Variants in SFRP1 observed in about 807,000 individuals in gnomAD.
The protein encoded by SFRP1 is secreted frizzled related protein 1.
Under a neutral mutation model 25.9 loss-of-function variants are expected in SFRP1, and 9 were observed. The observed-to-expected ratio is 0.35, with a 90% confidence interval of 0.21 to 0.61. The LOEUF is 0.61. Among genes scored for constraint, SFRP1 ranks in the 20% least tolerant of loss-of-function variants. The pLI, the probability that SFRP1 is intolerant of heterozygous loss-of-function variation, is 0.78. For missense variants in SFRP1, 346 were observed against 418.2 expected (o/e 0.83, Z 1.51); for synonymous variants, 178 against 174.0 (o/e 1.02, Z -0.18).
At chr8:41,297,918 T>C (rs1195819147) in intron 2 of SFRP1, among the ~76,000 whole-genome samples, 1 of 152,144 alleles carries the variant, frequency 6.6e-6, no homozygotes, top group African/African-American at 2.4e-5. Context: ...CTCAACTACC[T>C]TCCTGCTTGA....
chr8:41,291,769 T>C (rs1282955398), intron 2 of SFRP1, among the ~76,000 whole-genome samples: 1 of 152,104 alleles, frequency 6.6e-6, no homozygotes, highest in Non-Finnish European at 1.5e-5. Flanking sequence ...TCTCTGACAC[T>C]AACATGAAAT....
rs1466021742 is a variant in SFRP1, at chr8:41,284,241, T to C, written c.623-18752A>G. Among the ~76,000 whole-genome samples the C allele has an allele frequency of 4.6e-5, 7 of 152,104 alleles. No individual in the cohort carries two copies. In the East Asian group the frequency reaches 1.4e-3, roughly 30 times the overall value. On this transcript the variant is annotated intron_variant, in intron 2 of 2. Coordinates refer to ENST00000220772, the MANE Select transcript of SFRP1 (RefSeq NM_003012.5). ...AACGGCAGCTCCAGGTGCAGCACAG[T>C]GGCTATTATGGAAACCGGCCACACT...
At chr8:41,286,368 C>T (rs1322594328) in intron 2 of SFRP1, among the ~76,000 whole-genome samples, 1 of 152,216 alleles carries the variant, frequency 6.6e-6, no homozygotes, top group East Asian at 1.9e-4. Context: ...CACCGCCTCC[C>T]CCGCCGCACA....
In SFRP1 at chr8:41,287,412, G is replaced by A. The variant is rs1272471577; in HGVS notation, c.622+16049C>T. On this transcript the variant is annotated intron_variant, in intron 2 of 2. Coordinates refer to ENST00000220772, the MANE Select transcript of SFRP1 (RefSeq NM_003012.5). ...AGCGCTCATTCTAAATGCTGGCATC[G>A]GCTCGGAGGAACGTCATGGAGAGTG... Among the ~76,000 whole-genome samples, 4 of 152,222 alleles carry A rather than the reference G, an allele frequency of 2.6e-5. No homozygotes were observed. The East Asian group carries it at 5.8e-4, about 22-fold the overall frequency.
intron 2 of SFRP1, among the ~76,000 whole-genome samples, chr8:41,273,400 G>C (rs71521506): frequency 6.6e-6 from 1 of 152,094 alleles, no homozygotes; most frequent in Non-Finnish European, 1.5e-5. Flanking sequence ...GCTGAGGCAG[G>C]AGAATTGCTT....
chr8:41,286,607 T>G (rs905774936), intron 2 of SFRP1, among the ~76,000 whole-genome samples: 50 of 152,188 alleles, frequency 3.3e-4, no homozygotes, highest in Non-Finnish European at 6.9e-4. Context: ...ACTAGAATGC[T>G]CCAGGCCATC....
intron 2 of SFRP1, among the ~76,000 whole-genome samples, chr8:41,291,784 T>C (rs1200363863): frequency 2.0e-5 from 3 of 151,854 alleles, no homozygotes; most frequent in African/African-American, 7.3e-5. Context: ...TGAAATTAGG[T>C]TAATCCAGGT....
intron 2 of SFRP1, among the ~76,000 whole-genome samples, chr8:41,281,681 T>C (rs1204294807): frequency 2.0e-5 from 3 of 152,212 alleles, no homozygotes; most frequent in Non-Finnish European, 4.4e-5. Context: ...ATCCCTCATA[T>C]ACTGCACACA....
intron 1 of SFRP1, among the ~76,000 whole-genome samples, chr8:41,304,416 T>A (rs1372792356): frequency 6.6e-6 from 1 of 150,750 alleles, no homozygotes; most frequent in Admixed American, 6.6e-5. Flanking sequence ...CTTATCATCA[T>A]TGTCATCACC....
At chr8:41,269,559 GA>G (rs1343421949) in intron 2 of SFRP1, among the ~76,000 whole-genome samples, 1 of 152,170 alleles carries the variant, frequency 6.6e-6, no homozygotes, top group African/African-American at 2.4e-5. Context: ...TTGGGAAGCT[GA>G]AATGAGAATG....
intron 2 of SFRP1, among the ~76,000 whole-genome samples, chr8:41,266,064 G>T (rs189732685): frequency 1.3e-5 from 2 of 151,984 alleles, no homozygotes; most frequent in African/African-American, 4.8e-5. Flanking sequence ...TACTAAGGAG[G>T]CTGAGGCAGG....
intron 2 of SFRP1, among the ~76,000 whole-genome samples, chr8:41,268,352 T>G (rs1803461371): frequency 1.3e-5 from 2 of 152,234 alleles, no homozygotes; most frequent in Admixed American, 1.3e-4. Context: ...AAAACCACTC[T>G]TTCCTGCCAT....
At position 41,301,914 on chromosome 8, in the gene SFRP1, GTT is replaced by G. The variant is rs1803922064; in HGVS notation, c.622+1545_622+1546del. Among the ~76,000 whole-genome samples the G allele has an allele frequency of 3.9e-5, 6 of 152,322 alleles. No homozygotes were observed. In the East Asian group the frequency reaches 1.2e-3, roughly 29 times the overall value. On this transcript the variant is annotated intron_variant, in intron 2 of 2. Coordinates refer to ENST00000220772, the MANE Select transcript of SFRP1 (RefSeq NM_003012.5). Reference sequence around the variant, plus strand: ...GGAAGAAGATGTCCATCCCAGATGAGTTACCTGAGTGCCCTCTAGACCCCTGC... The same window carrying G: ...GGAAGAAGATGTCCATCCCAGATGAGACCTGAGTGCCCTCTAGACCCCTGC...
chr8:41,265,239 G>A lies in SFRP1; in HGVS notation c.873C>T (p.Asn291=). The A allele has an allele frequency of 6.8e-6, 11 of 1,612,946 alleles. No individual in the cohort carries two copies. The highest frequency in any genetic ancestry group is 9.3e-6 in the Non-Finnish European group (11 of 1,179,880). ...TCTTCATGAAGTTTTTGAACTCCTT[G>A]TTTTTCTTGTCCCACTTGTGGATGG... ...LTAIHKWDKK[N]KEFKNFMKKM... The change falls in exon 3 of 3, where the codon AAC becomes AAT. Residue 291 remains asparagine (N), a synonymous_variant. Transcript: ENST00000220772.
chr8:41,304,505 G>C (rs7841713), intron 1 of SFRP1, among the ~76,000 whole-genome samples: 1 of 151,800 alleles, frequency 6.6e-6, no homozygotes, highest in Admixed American at 6.6e-5. Context: ...CCCCACCCCC[G>C]GGCACAGCAC....
At position 41,283,871 on chromosome 8, in the gene SFRP1, C is replaced by T. The variant is rs1803666232; in HGVS notation, c.623-18382G>A. 3.3e-5 allele frequency among the ~76,000 whole-genome samples: 5 copies of T among 152,250 alleles called. No homozygotes were observed. The South Asian group carries it at 1.0e-3, about 32-fold the overall frequency. On this transcript the variant is annotated intron_variant, in intron 2 of 2. Coordinates refer to ENST00000220772, the MANE Select transcript of SFRP1 (RefSeq NM_003012.5). ...AGCCACCACGCCCGGCCAAACTCCT[C>T]CAATTTTCTTGTATCTATTGATGAG...
intron 2 of SFRP1, among the ~76,000 whole-genome samples, chr8:41,299,826 A>G (rs1373202210): frequency 6.6e-6 from 1 of 151,986 alleles, no homozygotes; most frequent in African/African-American, 2.4e-5. Context: ...CAAGACACAG[A>G]TTTTCTGCAC....
At chr8:41,293,759 G>GTTTTGT (rs1302250561) in intron 2 of SFRP1, among the ~76,000 whole-genome samples, 1 of 151,832 alleles carries the variant, frequency 6.6e-6, no homozygotes, top group Non-Finnish European at 1.5e-5. Flanking sequence ...TTTGTGGGGG[G>GTTTTGT]TTTTGTTTTT....
At chr8:41,296,036 G>C (rs1487095680) in intron 2 of SFRP1, among the ~76,000 whole-genome samples, 1 of 152,210 alleles carries the variant, frequency 6.6e-6, no homozygotes, top group Non-Finnish European at 1.5e-5. Flanking sequence ...CTCAAACCCA[G>C]GGAGGCTCAC....
Sources: allele counts gnomAD v4.1 joint callset (sites outside exome capture counted in the v4.1 genomes callset), GRCh38; gene constraint gnomAD v4.1.1; transcripts MANE v1.5; gene names NCBI Gene and HGNC (gene_info 2026-07-23, HGNC 2026-07-21).